Variants in SLC10A7 observed in about 807,000 individuals in gnomAD.
SLC10A7 encodes sodium/bile acid cotransporter 7.
SLC10A7 carries 29 observed loss-of-function variants against 43.2 expected under a neutral mutation model. The observed-to-expected ratio is 0.67, with a 90% CI of 0.50 to 0.92. The LOEUF (loss-of-function observed/expected upper bound fraction) is 0.92, where lower values mean the gene tolerates loss of function less well. Among genes scored for constraint, SLC10A7 ranks in the 40% least tolerant of loss-of-function variants. The pLI is 0.00. For missense variants in SLC10A7, 295 were observed against 403.2 expected, an observed-to-expected ratio of 0.73 and a Z score of 2.30; for synonymous variants, 152 against 144.8, an observed-to-expected ratio of 1.05 and a Z score of -0.35.
At chr4:146,312,511 G>A (rs1016176523) in intron 6 of SLC10A7, among the ~76,000 whole-genome samples, 2 of 152,100 alleles carry the variant, frequency 1.3e-5, no homozygotes, top group Admixed American at 6.6e-5. Flanking sequence ...TAGCGATGCT[G>A]TAAATTAGGT....
At chr4:146,343,929 C>T (rs1283078953) in intron 5 of SLC10A7, among the ~76,000 whole-genome samples, 1 of 151,934 alleles carries the variant, frequency 6.6e-6, no homozygotes, top group Non-Finnish European at 1.5e-5. Context: ...TGTTGTTCTT[C>T]GAGTCTGTCA....
intron 3 of SLC10A7, among the ~76,000 whole-genome samples, chr4:146,505,012 A>G (rs1382888273): frequency 6.6e-6 from 1 of 152,236 alleles, no homozygotes; most frequent in African/African-American, 2.4e-5. Flanking sequence ...CATATAGAAT[A>G]TATCTTCTGG....
Position 146,509,944 on chromosome 4 carries a change from T to G in SLC10A7, c.289A>C (p.Ile97Leu). 6.2e-7 allele frequency: 1 copy of G among 1,613,598 alleles called. No individual in the cohort carries two copies. The change falls in exon 3 of 12, where the codon ATC (isoleucine) becomes CTC (leucine). Residue 97 changes from isoleucine (I) to leucine (L), a missense_variant. Transcript: ENST00000335472. The part of the protein sequence containing the change: ...TIWLFLQLLS[I>L]TPINEWLLKG... ...AAAAGCCATTCGTTGATGGGTGTGA[T>G]TGATAAAAGCTGAAGAAAAAGCCAT...
At chr4:146,359,424 C>T (rs187605587) in intron 5 of SLC10A7, among the ~76,000 whole-genome samples, 5 of 152,008 alleles carry the variant, frequency 3.3e-5, no homozygotes, top group Non-Finnish European at 5.9e-5. Flanking sequence ...TATATAGTTA[C>T]GTTTTTGTGA....
At chr4:146,496,310 T>C (rs955371319) in intron 4 of SLC10A7, among the ~76,000 whole-genome samples, 10 of 152,072 alleles carry the variant, frequency 6.6e-5, no homozygotes, top group African/African-American at 2.4e-4. Flanking sequence ...CCCTAAAGCA[T>C]GGTGTCTTGG....
intron 5 of SLC10A7, among the ~76,000 whole-genome samples, chr4:146,380,868 T>C (rs992569303): frequency 6.6e-6 from 1 of 152,140 alleles, no homozygotes; most frequent in African/African-American, 2.4e-5. Flanking sequence ...TTTATCTTGA[T>C]TCCCAGAAGT....
intron 5 of SLC10A7, among the ~76,000 whole-genome samples, chr4:146,435,140 T>G (rs1579179833): frequency 6.6e-6 from 1 of 152,168 alleles, no homozygotes; most frequent in Admixed American, 6.5e-5. Flanking sequence ...GCTTAAAAAA[T>G]GATTTTTTTA....
At chr4:146,343,550 T>C (rs1363887779) in intron 5 of SLC10A7, among the ~76,000 whole-genome samples, 1 of 152,024 alleles carries the variant, frequency 6.6e-6, no homozygotes, top group Non-Finnish European at 1.5e-5. Context: ...TGTATGTCCT[T>C]CCTTAAAGAA....
chr4:146,483,474 A>C (rs1734661263), intron 4 of SLC10A7, among the ~76,000 whole-genome samples: 2 of 152,070 alleles, frequency 1.3e-5, no homozygotes, highest in African/African-American at 4.8e-5. Flanking sequence ...TACATCATAT[A>C]TACAAACAAT....
At chr4:146,499,457 C>T (rs1291620007) in intron 4 of SLC10A7, among the ~76,000 whole-genome samples, 2 of 152,158 alleles carry the variant, frequency 1.3e-5, no homozygotes, top group African/African-American at 2.4e-5. Flanking sequence ...ATATATTATA[C>T]ATAAGATTAA....
chr4:146,294,522 G>C (rs1472926982), intron 7 of SLC10A7, among the ~76,000 whole-genome samples: 1 of 152,124 alleles, frequency 6.6e-6, no homozygotes, highest in Non-Finnish European at 1.5e-5. Context: ...AGAATTTCAA[G>C]ACAGTAGATA....
At chr4:146,496,222 T>C (rs1200225673) in intron 4 of SLC10A7, among the ~76,000 whole-genome samples, 2 of 152,176 alleles carry the variant, frequency 1.3e-5, no homozygotes, top group Non-Finnish European at 2.9e-5. Flanking sequence ...GAAGTAGAGA[T>C]TCTGAATACT....
chr4:146,517,464 AAATAAT>A (rs925100105), intron 1 of SLC10A7, among the ~76,000 whole-genome samples: 15 of 151,696 alleles, frequency 9.9e-5, no homozygotes, highest in African/African-American at 3.1e-4. Context: ...CTCTGTCTCA[AAATAAT>A]AATAATAATA....
intron 3 of SLC10A7, among the ~76,000 whole-genome samples, chr4:146,509,624 C>T (rs879392763): frequency 2.0e-4 from 30 of 152,186 alleles, no homozygotes; most frequent in Admixed American, 1.9e-3. Context: ...ACAGATCTTA[C>T]ATCTGCTAGT....
intron 5 of SLC10A7, among the ~76,000 whole-genome samples, chr4:146,372,453 CAAAAAAA>C (rs3042366): frequency 1.7e-5 from 2 of 117,014 alleles, no homozygotes; most frequent in Non-Finnish European, 3.6e-5. Flanking sequence ...AACCCTGTTT[CAAAAAAA>C]AAAAAAAAAA....
intron 5 of SLC10A7, among the ~76,000 whole-genome samples, chr4:146,421,656 C>T (rs1162809371): frequency 6.6e-6 from 1 of 152,104 alleles, no homozygotes; most frequent in African/African-American, 2.4e-5. Flanking sequence ...CTGCAACTGA[C>T]CATTCATTCA....
intron 5 of SLC10A7, among the ~76,000 whole-genome samples, chr4:146,387,344 AT>A (rs763588357): frequency 1.3e-5 from 2 of 152,246 alleles, no homozygotes; most frequent in South Asian, 2.1e-4. Flanking sequence ...GATTCGCCAC[AT>A]AAACAGAATT....
chr4:146,293,412 T>G (rs998193642), intron 8 of SLC10A7, among the ~76,000 whole-genome samples: 4 of 152,224 alleles, frequency 2.6e-5, no homozygotes, highest in African/African-American at 9.6e-5. Flanking sequence ...CTTTTTGAGC[T>G]TTAGCAGTTT....
In SLC10A7 at chr4:146,337,230, T is replaced by C. The variant is rs953602199; in HGVS notation, c.436-11234A>G. On this transcript the variant is annotated intron_variant, in intron 5 of 11. Transcript: ENST00000335472. ...GACCAAGGAGGAAGCAAAAGGAAACTAAATCAAAATTTATTTTTTGAAGAC... is the reference window on the plus strand; with the variant it reads ...GACCAAGGAGGAAGCAAAAGGAAACCAAATCAAAATTTATTTTTTGAAGAC... Among the ~76,000 whole-genome samples, 8 of 152,180 alleles carry C rather than the reference T, an allele frequency of 5.3e-5. No homozygotes were observed. In the East Asian group the frequency reaches 1.5e-3, roughly 29 times the overall value.
Sources: allele counts gnomAD v4.1 joint callset (sites outside exome capture counted in the v4.1 genomes callset), GRCh38; gene constraint gnomAD v4.1.1; transcripts MANE v1.5; gene names NCBI Gene and HGNC (gene_info 2026-07-23, HGNC 2026-07-21).